Variants in SLC35F3 observed in about 807,000 individuals in gnomAD.
The protein encoded by SLC35F3 is putative thiamine transporter SLC35F3.
Under a neutral mutation model 49.9 loss-of-function variants are expected in SLC35F3, and 25 were observed. That is an observed-to-expected ratio of 0.50 (90% CI 0.37 to 0.70). SLC35F3 has a LOEUF of 0.70. SLC35F3 is among the 30% of genes least tolerant of loss of function. The pLI, the probability that SLC35F3 is intolerant of heterozygous loss-of-function variation, is 0.00. For synonymous variants in SLC35F3, 275 were observed against 265.4 expected (o/e 1.04, Z -0.35); for missense variants, 525 against 639.8 (o/e 0.82, Z 1.94).
chr1:234,144,801 C>T (rs6662582), intron 2 of SLC35F3, among the ~76,000 whole-genome samples: 19,745 of 151,886 alleles, frequency 0.13, 2,898 homozygotes, highest in East Asian at 0.75. Flanking sequence ...AAATATTGTG[C>T]GGGGTGATAA....
At chr1:234,252,396 A>G (rs1394126113) in intron 3 of SLC35F3, among the ~76,000 whole-genome samples, 3 of 152,284 alleles carry the variant, frequency 2.0e-5, no homozygotes, top group South Asian at 4.1e-4. Context: ...AAAAATGCTT[A>G]AAGACTACTG....
At chr1:234,144,846 G>A (rs909146096) in intron 2 of SLC35F3, among the ~76,000 whole-genome samples, 1 of 152,218 alleles carries the variant, frequency 6.6e-6, no homozygotes, top group Non-Finnish European at 1.5e-5. Context: ...TAGACAGTAT[G>A]ATGAAGTTGC....
chr1:234,236,506 C>T (rs1392595113), intron 3 of SLC35F3, among the ~76,000 whole-genome samples: 2 of 151,908 alleles, frequency 1.3e-5, no homozygotes, highest in Non-Finnish European at 2.9e-5. Flanking sequence ...TCTCTAGGTG[C>T]CGAAGGAGAA....
intron 2 of SLC35F3, among the ~76,000 whole-genome samples, chr1:234,029,026 A>G (rs1233610086): frequency 6.6e-6 from 1 of 152,240 alleles, no homozygotes; most frequent in Non-Finnish European, 1.5e-5. Context: ...CTTACTTTTT[A>G]TGATACATTG....
chr1:234,210,809 G>C (rs1308680110), intron 2 of SLC35F3, among the ~76,000 whole-genome samples: 1 of 152,238 alleles, frequency 6.6e-6, no homozygotes, highest in Admixed American at 6.5e-5. Flanking sequence ...TTTCCGGGGA[G>C]AAATTCAAGC....
intron 3 of SLC35F3, among the ~76,000 whole-genome samples, chr1:234,297,783 G>C (rs1668628191): frequency 6.6e-6 from 1 of 151,782 alleles, no homozygotes; most frequent in African/African-American, 2.4e-5. Context: ...TAGAAGCAAG[G>C]AGTATAATGG....
At chr1:234,169,283 G>A (rs533416592) in intron 2 of SLC35F3, among the ~76,000 whole-genome samples, 4 of 152,266 alleles carry the variant, frequency 2.6e-5, no homozygotes, top group Non-Finnish European at 2.9e-5. Context: ...CCTCACAGAC[G>A]CACCAGGAGT....
chr1:233,994,161 G>A (rs754193924), intron 2 of SLC35F3, among the ~76,000 whole-genome samples: 1 of 152,196 alleles, frequency 6.6e-6, no homozygotes, highest in Non-Finnish European at 1.5e-5. Context: ...GCAGAGACAG[G>A]CCAGTGGAGA....
At chr1:234,303,022 T>C (rs1034877277) in intron 3 of SLC35F3, among the ~76,000 whole-genome samples, 4 of 152,242 alleles carry the variant, frequency 2.6e-5, no homozygotes, top group African/African-American at 9.6e-5. Flanking sequence ...CTAGTATTTA[T>C]ACCAATTTAG....
At chr1:234,096,531 C>T (rs894214516) in intron 2 of SLC35F3, among the ~76,000 whole-genome samples, 1 of 152,218 alleles carries the variant, frequency 6.6e-6, no homozygotes, top group African/African-American at 2.4e-5. Flanking sequence ...GTTTGCCTCT[C>T]TCCACAGCAG....
At chr1:234,200,562 A>G (rs976747094) in intron 2 of SLC35F3, among the ~76,000 whole-genome samples, 27 of 152,176 alleles carry the variant, frequency 1.8e-4, no homozygotes, top group Non-Finnish European at 2.8e-4. Flanking sequence ...CATTTTCCAA[A>G]AAACTTCCAC....
chr1:234,316,790 T>C (rs1193348619), intron 5 of SLC35F3, 63 bp downstream of exon 5: 3 of 1,557,208 alleles, frequency 1.9e-6, no homozygotes, highest in East Asian at 4.6e-5. Context: ...CAGCCGGCTT[T>C]AGATCGCTTG....
intron 2 of SLC35F3, among the ~76,000 whole-genome samples, chr1:234,154,056 C>T (rs1428406305): frequency 1.3e-5 from 2 of 150,316 alleles, no homozygotes; most frequent in Non-Finnish European, 1.5e-5. Context: ...AGCGAGACTC[C>T]GTCTCAAAAA....
intron 3 of SLC35F3, among the ~76,000 whole-genome samples, chr1:234,278,367 G>C (rs1668248147): frequency 6.6e-6 from 1 of 152,070 alleles, no homozygotes. Context: ...GCACGGGCCT[G>C]TAGTCCCAGC....
intron 2 of SLC35F3, among the ~76,000 whole-genome samples, chr1:234,202,050 A>G (rs549684638): frequency 6.6e-6 from 1 of 152,222 alleles, no homozygotes; most frequent in Non-Finnish European, 1.5e-5. Flanking sequence ...TACTATGCAT[A>G]TAGTATAAAA....
rs192339639 is a variant in SLC35F3 at position 233,940,239 on chromosome 1, C to G, written c.283+34481C>G. 2.0e-5 allele frequency among the ~76,000 whole-genome samples: 3 copies of G among 152,128 alleles called. No individual in the cohort carries two copies. In the East Asian group the frequency reaches 5.8e-4, roughly 29 times the overall value. On this transcript the variant is annotated intron_variant, in intron 2 of 7. Transcript: ENST00000366618. ...AAAATATTGTTGATGTCTTTCAGTG[C>G]TGGTACCTCTCAATCACAGAGGAAA... is the stretch of plus-strand genomic sequence containing the variant.
chr1:234,169,138 A>G (rs1280627628), intron 2 of SLC35F3, among the ~76,000 whole-genome samples: 1 of 152,132 alleles, frequency 6.6e-6, no homozygotes, highest in South Asian at 2.1e-4. Context: ...TCAAGAAGAG[A>G]GCAAATTTGT....
intron 2 of SLC35F3, among the ~76,000 whole-genome samples, chr1:234,212,054 A>G (rs1435857706): frequency 6.6e-6 from 1 of 152,178 alleles, no homozygotes; most frequent in East Asian, 1.9e-4. Flanking sequence ...TCCCTGCACA[A>G]GCACTCTCTT....
chr1:233,951,872 A>G (rs1571993700), intron 2 of SLC35F3, among the ~76,000 whole-genome samples: 1 of 152,086 alleles, frequency 6.6e-6, no homozygotes, highest in Non-Finnish European at 1.5e-5. Flanking sequence ...ATGCCCAGCT[A>G]TCAAGACTTC....
Sources: allele counts gnomAD v4.1 joint callset (sites outside exome capture counted in the v4.1 genomes callset), GRCh38; gene constraint gnomAD v4.1.1; transcripts MANE v1.5; gene names NCBI Gene and HGNC (gene_info 2026-07-23, HGNC 2026-07-21).